Variants in STPG2 observed in about 807,000 individuals in gnomAD.
STPG2 encodes sperm tail PG-rich repeat containing 2.
STPG2 carries 56 observed loss-of-function variants against 54.2 expected under a neutral mutation model. That is an observed-to-expected ratio of 1.03 (90% CI 0.83 to 1.29). The LOEUF (loss-of-function observed/expected upper bound fraction) is 1.29. Ranked by LOEUF, STPG2 falls within the 50% of genes most tolerant of loss-of-function variation. STPG2 has a pLI of 0.00. For synonymous variants in STPG2, 200 were observed against 181.8 expected (o/e 1.10, Z -0.81); for missense variants, 596 against 544.9 (o/e 1.09, Z -0.93).
At chr4:98,094,192 G>A (rs1738775902) in intron 5 of STPG2, among the ~76,000 whole-genome samples, 1 of 152,140 alleles carries the variant, frequency 6.6e-6, no homozygotes, top group Admixed American at 6.5e-5. Context: ...GAGGACTTTG[G>A]ATAGAGTATT....
At chr4:97,505,043 A>ATT (rs532296659) in intron 4 of STPG2, among the ~76,000 whole-genome samples, 121 of 148,266 alleles carry the variant, frequency 8.2e-4, no homozygotes, top group African/African-American at 2.8e-3. Flanking sequence ...TTACAGTGGT[A>ATT]TTTTTTTTTT....
intron 5 of STPG2, among the ~76,000 whole-genome samples, chr4:98,057,117 T>C (rs972399900): frequency 6.6e-6 from 1 of 152,216 alleles, no homozygotes; most frequent in Non-Finnish European, 1.5e-5. Flanking sequence ...AGCTGAAGAA[T>C]GCTGAAAATT....
At chr4:97,983,692 G>A (rs148643751) in intron 5 of STPG2, among the ~76,000 whole-genome samples, 299 of 152,162 alleles carry the variant, frequency 2.0e-3, no homozygotes, top group African/African-American at 7.0e-3. Flanking sequence ...TTTTCTTTCA[G>A]TAGGAATAGA....
At chr4:97,498,536 T>G (rs921209621) in intron 4 of STPG2, among the ~76,000 whole-genome samples, 1 of 151,692 alleles carries the variant, frequency 6.6e-6, no homozygotes, top group African/African-American at 2.4e-5. Context: ...TAAAGAAAAG[T>G]GCATGATTAT....
rs374263591 is a variant in STPG2 at position 97,856,535 on chromosome 4, G to C, written c.1045-15603C>G. 3.3e-5 allele frequency among the ~76,000 whole-genome samples: 5 copies of C among 152,326 alleles called. No homozygotes were observed. The East Asian group carries it at 5.8e-4, about 18-fold the overall frequency. ...TGTATCCCCAGAGTTTGCTGAAGTT[G>C]TTTATGAGCTTAAGAAGCTTTTGGT... On this transcript the variant is annotated intron_variant, in intron 8 of 10. Coordinates refer to ENST00000295268, the MANE Select transcript of STPG2 (RefSeq NM_174952.3).
intron 9 of STPG2, among the ~76,000 whole-genome samples, chr4:97,799,084 T>G (rs567964357): frequency 1.8e-4 from 24 of 129,968 alleles, no homozygotes; most frequent in Non-Finnish European, 1.4e-4. Flanking sequence ...TGTCTCTGCA[T>G]GTGAGATGGG....
chr4:97,911,785 G>A (rs1731688201), intron 8 of STPG2, among the ~76,000 whole-genome samples: 1 of 152,094 alleles, frequency 6.6e-6, no homozygotes, highest in Admixed American at 6.5e-5. Context: ...GAGTCTGGGC[G>A]GTCTGCAGGA....
chr4:97,913,509 T>C (rs910024203), intron 8 of STPG2, among the ~76,000 whole-genome samples: 1 of 152,192 alleles, frequency 6.6e-6, no homozygotes, highest in Non-Finnish European at 1.5e-5. Context: ...ATTGGGTTCC[T>C]AACCTATAGA....
chr4:97,802,881 T>TA (rs1727441337), intron 9 of STPG2, among the ~76,000 whole-genome samples: 1 of 152,212 alleles, frequency 6.6e-6, no homozygotes, highest in Non-Finnish European at 1.5e-5. Context: ...ATATTTGAAG[T>TA]AAAAAAAGAT....
chr4:97,755,755 TCTTAGAAGATGACC>T (rs1377601895), intron 9 of STPG2, among the ~76,000 whole-genome samples: 1 of 152,200 alleles, frequency 6.6e-6, no homozygotes, highest in Non-Finnish European at 1.5e-5. Context: ...AAGTTTATTT[TCTTAGAAGATGACC>T]CTCTATGAAA....
chr4:98,069,387 A>G (rs1321227935), intron 5 of STPG2, among the ~76,000 whole-genome samples: 2 of 152,034 alleles, frequency 1.3e-5, no homozygotes, highest in South Asian at 2.1e-4. Flanking sequence ...ATTTTTGTAT[A>G]TATTATTTAT....
chr4:97,566,475 T>C (rs897150629), intron 10 of STPG2, among the ~76,000 whole-genome samples: 2 of 152,184 alleles, frequency 1.3e-5, no homozygotes, highest in East Asian at 1.9e-4. Context: ...CACTCCCTAG[T>C]GAGACGAACC....
chr4:97,525,454 CA>C lies in STPG2; in HGVS notation c.462+187244del, dbSNP rs756141711. On this transcript the variant is annotated intron_variant, in intron 4 of 4. Coordinates refer to the STPG2 transcript ENST00000522676. ...AGCAGCAGGAACAATAACTGTAAAC[CA>C]AAGGCTATTGTAATCTAAAAAGGGC... 9.9e-5 allele frequency among the ~76,000 whole-genome samples: 15 copies of C among 151,878 alleles called. No homozygotes were observed. The South Asian group carries it at 3.1e-3, about 32-fold the overall frequency.
chr4:97,945,886 C>G (rs938625254), intron 7 of STPG2, among the ~76,000 whole-genome samples: 1 of 152,018 alleles, frequency 6.6e-6, no homozygotes, highest in Non-Finnish European at 1.5e-5. Context: ...TGGTGAAACC[C>G]TATCTCTACA....
chr4:97,712,608 T>C (rs1724158130), intron 10 of STPG2, 91 bp downstream of exon 10: 1 of 822,296 alleles, frequency 1.2e-6, no homozygotes, highest in Non-Finnish European at 1.7e-6. Flanking sequence ...GAATAAAATA[T>C]ATGGAAAGGA....
chr4:97,641,558 G>T (rs1372670891), intron 10 of STPG2, among the ~76,000 whole-genome samples: 4 of 151,096 alleles, frequency 2.6e-5, no homozygotes. Context: ...TATAATTTTA[G>T]CTAATTTTTG....
intron 8 of STPG2, among the ~76,000 whole-genome samples, chr4:97,939,251 A>G (rs1157431737): frequency 6.6e-6 from 1 of 152,182 alleles, no homozygotes; most frequent in African/African-American, 2.4e-5. Context: ...ATTTCAGAGT[A>G]TGTGCCATGT....
At chr4:97,553,839 C>T (rs1446150512) in intron 4 of STPG2, among the ~76,000 whole-genome samples, 2 of 152,140 alleles carry the variant, frequency 1.3e-5, no homozygotes, top group Non-Finnish European at 2.9e-5. Flanking sequence ...ACAGTATTTG[C>T]AAACCGAACC....
At chr4:98,015,040 G>T (rs1322517600) in intron 5 of STPG2, among the ~76,000 whole-genome samples, 1 of 151,814 alleles carries the variant, frequency 6.6e-6, no homozygotes, top group African/African-American at 2.4e-5. Context: ...AATTCTCTTT[G>T]TTGTTTACGT....
Sources: gnomAD v4.1 joint callset for allele counts (sites outside exome capture counted in the v4.1 genomes callset) on GRCh38, gnomAD v4.1.1 for gene constraint, MANE v1.5 for transcripts, NCBI Gene and HGNC (gene_info 2026-07-23, HGNC 2026-07-21) for gene names.